VASH1: variants seen among roughly 807,000 people sequenced by gnomAD.
VASH1 encodes the protein tubulinyl-Tyr carboxypeptidase 1.
Under a neutral mutation model 35.0 loss-of-function variants are expected in VASH1, and 16 were observed. That is an observed-to-expected ratio of 0.46 (90% CI 0.31 to 0.70). The LOEUF is 0.70. Ranked by LOEUF, VASH1 falls within the 30% of genes least tolerant of loss-of-function variation. The pLI, the probability that VASH1 is intolerant of heterozygous loss-of-function variation, is 0.05. For synonymous variants in VASH1, 214 were observed against 200.9 expected (o/e 1.07, Z -0.55); for missense variants, 505 against 510.7 (o/e 0.99, Z 0.11).
Position 76,771,179 on chromosome 14 carries a change from C to A in VASH1, c.399-11C>A. 1 of 1,584,130 alleles carries A rather than the reference C, an allele frequency of 6.3e-7. No individual in the cohort carries two copies. Among genetic ancestry groups the A allele is most frequent in the South Asian group, 1.2e-5 (1 of 86,312 alleles). ...AGGCCAAGCTAGGAAGCCCTTAACC[C>A]GTGCCCACAGGTACAATCACACAGG... On this transcript the variant is annotated splice_polypyrimidine_tract_variant and intron_variant, in intron 2 of 6. Coordinates refer to ENST00000167106, the MANE Select transcript of VASH1 (RefSeq NM_014909.5).
Position 76,762,846 on chromosome 14 carries a change from G to A in VASH1, c.25G>A (p.Gly9Arg), listed in dbSNP as rs1360766385. 1.3e-6 allele frequency: 2 copies of A among 1,505,592 alleles called. No homozygotes were observed. Among genetic ancestry groups the A allele is most frequent in the Non-Finnish European group, 1.8e-6 (2 of 1,127,048 alleles). 93.3% of individuals were successfully genotyped at this position (1,505,592 alleles called of 1,614,324 possible). A position where few individuals can be genotyped will look rare whatever the true frequency, so the allele number is the denominator to read the frequency against. The change falls in exon 1 of 7, where the codon GGG becomes AGG. Residue 9 changes from glycine to arginine, a missense_variant. Coordinates refer to ENST00000167106, the MANE Select transcript of VASH1 (RefSeq NM_014909.5). MPGGKKVA[G>R]GGSSGATPTS... is the part of the protein sequence containing the mutation. ...GATGCCAGGGGGGAAGAAGGTGGCT[G>A]GGGGTGGCAGCAGCGGTGCCACTCC...
At chr14:76,778,184 C>G (rs1894000633) in intron 6 of VASH1, 113 bp downstream of exon 6, 1 of 787,928 alleles carries the variant, frequency 1.3e-6, no homozygotes, top group Non-Finnish European at 1.8e-6. Context: ...CTTTTTCGCT[C>G]CCACCCAAGG....
chr14:76,771,089 C>A, intron 2 of VASH1, 101 bp from the exon 3 acceptor site: 1 of 1,066,116 alleles, frequency 9.4e-7, no homozygotes, highest in Non-Finnish European at 1.3e-6. Context: ...GTGCCCCCAT[C>A]TCCCCTCCAG....
intron 1 of VASH1, among the ~76,000 whole-genome samples, chr14:76,767,898 A>G (rs1412916556): frequency 6.6e-6 from 1 of 152,184 alleles, no homozygotes; most frequent in Admixed American, 6.5e-5. Context: ...TCTGCACAGC[A>G]GGTGCTAGTG....
chr14:76,779,905 A>C lies in VASH1; in HGVS notation c.*887A>C. On this transcript the variant is annotated 3_prime_UTR_variant, in exon 7 of 7. Coordinates refer to ENST00000167106, the MANE Select transcript of VASH1 (RefSeq NM_014909.5). ...AGGAGCTGTGGCTGGACATGGGGTGATGGGGCGGGATGCTTGGGCCTGGGT... is the reference window on the plus strand; with the variant it reads ...AGGAGCTGTGGCTGGACATGGGGTGCTGGGGCGGGATGCTTGGGCCTGGGT... The C allele has an allele frequency of 8.1e-6, 2 of 247,878 alleles. No homozygotes were observed. Among genetic ancestry groups the C allele is most frequent in the East Asian group, 1.6e-4 (2 of 12,472 alleles). 15.4% of individuals were successfully genotyped at this position (247,878 alleles called of 1,614,324 possible).
chr14:76,771,671 A>G (rs770476115), intron 3 of VASH1, among the ~76,000 whole-genome samples: 6 of 152,184 alleles, frequency 3.9e-5, no homozygotes, highest in South Asian at 2.1e-4. Context: ...GGGTACTTGC[A>G]TGGTCACCCC....
At position 76,779,378 on chromosome 14, in the gene VASH1, G is replaced by A. The variant is rs1894038851; in HGVS notation, c.*360G>A. On this transcript the variant is annotated 3_prime_UTR_variant, in exon 7 of 7. Transcript: ENST00000167106. The stretch of plus-strand genomic sequence containing the variant: ...AACTGCTGGTTCTGCTGGTGCCTCT[G>A]CCCCTGGCTTCTCTCTGGGAGTTGG... 1.4e-6 allele frequency: 1 copy of A among 701,846 alleles called. No homozygotes were observed. Among genetic ancestry groups the A allele is most frequent in the East Asian group, 2.7e-5 (1 of 37,268 alleles). 43.5% of individuals were successfully genotyped at this position (701,846 alleles called of 1,614,324 possible). A position where few individuals can be genotyped will look rare whatever the true frequency, so the allele number is the denominator to read the frequency against.
chr14:76,779,347 G>A lies in VASH1; in HGVS notation c.*329G>A, dbSNP rs1894037799. 1.4e-6 allele frequency: 1 copy of A among 702,280 alleles called. No homozygotes were observed. The highest frequency in any genetic ancestry group is 2.6e-6 in the Non-Finnish European group (1 of 384,788). 43.5% of individuals were successfully genotyped at this position (702,280 alleles called of 1,614,324 possible). ...AAATCCATGTGTCATGGGGCCAGGT[G>A]AGGGAAACTGCTGGTTCTGCTGGTG... On this transcript the variant is annotated 3_prime_UTR_variant, in exon 7 of 7. Coordinates refer to ENST00000167106, the MANE Select transcript of VASH1 (RefSeq NM_014909.5).
Position 76,762,288 on chromosome 14 carries a change from A to G in VASH1, c.-534A>G, listed in dbSNP as rs1595264544. ...CTCCCGCCCGGGGGTCTTGGTTCCG[A>G]GCTCGCGCGGCCGGGAGTCGCCTCG... On this transcript the variant is annotated 5_prime_UTR_variant, in exon 1 of 7. Transcript: ENST00000167106. 6.6e-6 allele frequency: 1 copy of G among 152,198 alleles called. No individual in the cohort carries two copies. The highest frequency in any genetic ancestry group is 1.9e-4 in the East Asian group (1 of 5,158). 9.4% of individuals were successfully genotyped at this position (152,198 alleles called of 1,614,324 possible).
chr14:76,770,438 T>C (rs1303331587), intron 2 of VASH1, among the ~76,000 whole-genome samples: 1 of 152,086 alleles, frequency 6.6e-6, no homozygotes, highest in African/African-American at 2.4e-5. Flanking sequence ...CTTTTAAAAG[T>C]CTGATTTTGA....
At chr14:76,763,206 T>A in intron 1 of VASH1, 76 bp downstream of exon 1, 2 of 1,314,586 alleles carry the variant, frequency 1.5e-6, no homozygotes, top group South Asian at 2.4e-5. Flanking sequence ...GAAGCCACAC[T>A]CTCCTCCCAC....
At chr14:76,769,413 AC>A (rs1371237570) in intron 1 of VASH1, 1 of 1,288,898 alleles carries the variant, frequency 7.8e-7, no homozygotes, top group African/African-American at 1.5e-5. Context: ...CCGCTGACTG[AC>A]TCCTTGACAG....
intron 6 of VASH1, among the ~76,000 whole-genome samples, 192 bp from the exon 7 acceptor site, chr14:76,778,754 G>A (rs576158518): frequency 2.6e-5 from 4 of 152,264 alleles, no homozygotes; most frequent in East Asian, 1.9e-4. Context: ...AGAGCGAGCC[G>A]GGGCCACATT....
At position 76,771,243 on chromosome 14, in the gene VASH1, C is replaced by A; in HGVS notation, c.452C>A (p.Thr151Lys). The change falls in exon 3 of 7, where the codon ACA becomes AAA. Residue 151 changes from threonine (T) to lysine (K), a missense_variant. Transcript: ENST00000167106. ...GAAATTAAGAAGAGCAGACCTCTGA[C>A]AGGGTAAGTATGGGGAGGCCAGTCC... The part of the protein sequence containing the change: ...FFEIKKSRPL[T>K]GLMDLAKEMT... 5.6e-6 allele frequency: 9 copies of A among 1,602,168 alleles called. No individual in the cohort carries two copies. The highest frequency in any genetic ancestry group is 7.7e-6 in the Non-Finnish European group (9 of 1,174,182).
chr14:76,779,094 G>C lies in VASH1; in HGVS notation c.*76G>C. On this transcript the variant is annotated 3_prime_UTR_variant, in exon 7 of 7. Transcript: ENST00000167106. Reference sequence around the variant, plus strand: ...CCTGCTGGAACCAGCCTTATGCATGGGGAAGGCGGGGCTGGTGACAAGGCA... The same window carrying C: ...CCTGCTGGAACCAGCCTTATGCATGCGGAAGGCGGGGCTGGTGACAAGGCA... 1 of 1,487,906 alleles carries C rather than the reference G, an allele frequency of 6.7e-7. No individual in the cohort carries two copies. The highest frequency in any genetic ancestry group is 9.3e-7 in the Non-Finnish European group (1 of 1,071,786). 92.2% of individuals were successfully genotyped at this position (1,487,906 alleles called of 1,614,324 possible). A position where few individuals can be genotyped will look rare whatever the true frequency, so the allele number is the denominator to read the frequency against.
At chr14:76,777,525 T>C (rs1380149653) in intron 5 of VASH1, among the ~76,000 whole-genome samples, 3 of 152,142 alleles carry the variant, frequency 2.0e-5, no homozygotes, top group East Asian at 1.9e-4. Context: ...GACTCTTTTG[T>C]TTTTCTCATT....
Position 76,776,220 on chromosome 14 carries a change from C to A in VASH1, c.859C>A (p.Arg287Ser), listed in dbSNP as rs200366202. The change falls in exon 5 of 7, where the codon CGC becomes AGC. Residue 287 changes from arginine (R) to serine (S), a missense_variant. Arg to Ser is a moderately radical substitution (Grantham distance 110). Transcript: ENST00000167106. ...HSVLDVERLG[R>S]DDFRKELERH... Reference sequence around the variant, plus strand: ...GGTGCTGGACGTGGAGCGCCTGGGCCGCGATGACTTCCGCAAGGAGCTGGA... The same window carrying A: ...GGTGCTGGACGTGGAGCGCCTGGGCAGCGATGACTTCCGCAAGGAGCTGGA... 3 of 1,608,868 alleles carry A rather than the reference C, an allele frequency of 1.9e-6. No individual in the cohort carries two copies. In the East Asian group the frequency reaches 6.7e-5, roughly 36 times the overall value.
rs770486227 is a variant in VASH1, at chr14:76,778,930, T to C, written c.1026-16T>C. ...ACCACTCACTCTCCTCCCGCTCTGCTCTCTTCCTCCCACAGGCCCTCGGGT... is the reference window on the plus strand; with the variant it reads ...ACCACTCACTCTCCTCCCGCTCTGCCCTCTTCCTCCCACAGGCCCTCGGGT... On this transcript the variant is annotated splice_polypyrimidine_tract_variant and intron_variant, in intron 6 of 6. Coordinates refer to ENST00000167106, the MANE Select transcript of VASH1 (RefSeq NM_014909.5). The C allele has an allele frequency of 6.2e-7, 1 of 1,613,768 alleles. No homozygotes were observed. Among genetic ancestry groups the C allele is most frequent in the Non-Finnish European group, 8.5e-7 (1 of 1,179,802 alleles).
In VASH1 at chr14:76,762,817, T is replaced by G. The variant is rs749532143; in HGVS notation, c.-5T>G. On this transcript the variant is annotated 5_prime_UTR_variant, in exon 1 of 7. Transcript: ENST00000167106. ...GCCTCCACCACCCCCCTCGAAGATTTAGGGATGCCAGGGGGGAAGAAGGTG... is the reference window on the plus strand; with the variant it reads ...GCCTCCACCACCCCCCTCGAAGATTGAGGGATGCCAGGGGGGAAGAAGGTG... The G allele has an allele frequency of 1.4e-6, 2 of 1,478,636 alleles. No homozygotes were observed. Among genetic ancestry groups the G allele is most frequent in the Non-Finnish European group, 1.8e-6 (2 of 1,115,402 alleles). 91.6% of individuals were successfully genotyped at this position (1,478,636 alleles called of 1,614,324 possible). A position where few individuals can be genotyped will look rare whatever the true frequency, so the allele number is the denominator to read the frequency against.
Sources: allele counts gnomAD v4.1 joint callset (sites outside exome capture counted in the v4.1 genomes callset), GRCh38; gene constraint gnomAD v4.1.1; transcripts MANE v1.5; gene names NCBI Gene and HGNC (gene_info 2026-07-23, HGNC 2026-07-21).